KANSL1: variants seen among roughly 807,000 people sequenced by gnomAD.
KANSL1 encodes the protein MLL1/MLL complex subunit KANSL1.
A neutral mutation model predicts 103.6 loss-of-function variants in KANSL1; 22 were observed. That is an observed-to-expected ratio of 0.21 (90% CI 0.15 to 0.30). KANSL1 has a LOEUF of 0.30. Among genes scored for constraint, KANSL1 ranks in the 10% least tolerant of loss-of-function variants. KANSL1 has a pLI of 1.00. For synonymous variants in KANSL1, 600 were observed against 527.6 expected, an observed-to-expected ratio of 1.14 and a Z score of -1.88; for missense variants, 1,337 against 1,399.8, an observed-to-expected ratio of 0.96 and a Z score of 0.72.
intron 4 of KANSL1, 105 bp downstream of exon 4, chr17:46,082,336 C>G: frequency 1.5e-6 from 1 of 653,162 alleles, no homozygotes; most frequent in Middle Eastern, 2.6e-4. Flanking sequence ...ATACAGTTCC[C>G]CTTCTTCAGC....
chr17:46,090,183 G>C (rs915157994), intron 3 of KANSL1, among the ~76,000 whole-genome samples: 3 of 152,166 alleles, frequency 2.0e-5, no homozygotes, highest in Admixed American at 2.0e-4. Flanking sequence ...TACAGGCCAA[G>C]AACACCAAGG....
intron 2 of KANSL1, among the ~76,000 whole-genome samples, chr17:46,118,632 G>T (rs1262653649): frequency 6.6e-6 from 1 of 152,220 alleles, no homozygotes; most frequent in East Asian, 1.9e-4. Flanking sequence ...ATGGTCTAGA[G>T]ACCACATTTT....
intron 2 of KANSL1, among the ~76,000 whole-genome samples, chr17:46,124,865 A>G (rs62063166): frequency 0.14 from 21,635 of 151,620 alleles, 2,116 homozygotes; most frequent in Non-Finnish European, 0.22. Flanking sequence ...AACAGATGCA[A>G]AGTTAAGTTG....
At chr17:46,197,194 T>C (rs2696440), upstream of KANSL1, among the ~76,000 whole-genome samples, 21,942 of 152,206 alleles carry the variant, frequency 0.14, 2,137 homozygotes, top group Non-Finnish European at 0.22. Context: ...CAGCTCTGTA[T>C]CCATCCATCT....
chr17:46,210,524 A>T (rs1337937538), intron 1 of KANSL1, among the ~76,000 whole-genome samples: 7 of 133,638 alleles, frequency 5.2e-5, no homozygotes, highest in East Asian at 2.4e-4. Flanking sequence ...CCACAGGATG[A>T]GAACATTTAC....
chr17:46,139,224 T>C (rs2044299312), intron 2 of KANSL1, among the ~76,000 whole-genome samples: 1 of 152,064 alleles, frequency 6.6e-6, no homozygotes, highest in South Asian at 2.1e-4. Context: ...ACTCATAGTA[T>C]TGACATTATT....
At position 46,172,033 on chromosome 17, in the gene KANSL1, G is replaced by C. The variant is rs776718937; in HGVS notation, c.111C>G (p.Asn37Lys). Residue 37 changes from asparagine to lysine, a missense_variant, in exon 2 of 15, where the codon AAC (asparagine) becomes AAG (lysine). Asn to Lys is a moderately conservative substitution (Grantham distance 94). Coordinates refer to ENST00000432791, the MANE Select transcript of KANSL1 (RefSeq NM_015443.4). ...CAGCAATAAGGATGTTGGCGTTGCC[G>C]TTATTTTCGGCACTGCCAGGGGACA... ...STLSPGSAEN[N>K]GNANILIAAN... The C allele has an allele frequency of 6.2e-7, 1 of 1,614,250 alleles. No homozygotes were observed. The highest frequency in any genetic ancestry group is 8.5e-7 in the Non-Finnish European group (1 of 1,180,050).
chr17:46,211,855 G>A (rs557505939), intron 1 of KANSL1, among the ~76,000 whole-genome samples: 5 of 152,320 alleles, frequency 3.3e-5, no homozygotes, highest in Admixed American at 6.5e-5. Flanking sequence ...TCAAGTGCTC[G>A]GATAAATGTA....
At chr17:46,212,927 T>C (rs1249160317) in intron 1 of KANSL1, among the ~76,000 whole-genome samples, 2 of 152,262 alleles carry the variant, frequency 1.3e-5, no homozygotes, top group Non-Finnish European at 2.9e-5. Flanking sequence ...CTTATCAGGA[T>C]AAAAATGTTT....
intron 4 of KANSL1, among the ~76,000 whole-genome samples, chr17:46,069,883 T>C (rs562185429): frequency 6.6e-6 from 1 of 151,976 alleles, no homozygotes; most frequent in Non-Finnish European, 1.5e-5. Flanking sequence ...CTACAATGAG[T>C]GAACACCGAG....
At chr17:46,119,404 T>C (rs547732408) in intron 2 of KANSL1, among the ~76,000 whole-genome samples, 1 of 151,904 alleles carries the variant, frequency 6.6e-6, no homozygotes, top group Admixed American at 6.6e-5. Context: ...GCTTCCCAGG[T>C]TCAACTGATC....
intron 6 of KANSL1, among the ~76,000 whole-genome samples, chr17:46,065,135 G>T (rs1320905498): frequency 1.6e-5 from 2 of 124,954 alleles, no homozygotes; most frequent in South Asian, 2.4e-4. Flanking sequence ...CCCACAGCAG[G>T]CTTTTTTTTT....
chr17:46,177,450 C>G (rs944499144), intron 1 of KANSL1, among the ~76,000 whole-genome samples: 1 of 152,122 alleles, frequency 6.6e-6, no homozygotes, highest in Non-Finnish European at 1.5e-5. Context: ...AAAAAGAAAA[C>G]TGAATGCCAA....
At chr17:46,205,078 A>G (rs1343701568) in intron 1 of KANSL1, among the ~76,000 whole-genome samples, 4 of 152,198 alleles carry the variant, frequency 2.6e-5, no homozygotes, top group Admixed American at 2.6e-4. Context: ...CACTCTTACC[A>G]CTCTGTTTAA....
intron 2 of KANSL1, among the ~76,000 whole-genome samples, chr17:46,144,322 A>C (rs1460744254): frequency 7.9e-5 from 12 of 152,348 alleles, no homozygotes; most frequent in Middle Eastern, 3.4e-3. Context: ...TAGAAAAAGA[A>C]ATTCCAGATT....
chr17:46,107,002 TA>T (rs763066391), intron 2 of KANSL1, among the ~76,000 whole-genome samples: 1 of 152,076 alleles, frequency 6.6e-6, no homozygotes, highest in Admixed American at 6.6e-5. Context: ...GAAGGCAAAC[TA>T]GTTAAAGGCC....
intron 4 of KANSL1, among the ~76,000 whole-genome samples, chr17:46,071,987 TC>T (rs1179827109): frequency 1.5e-5 from 2 of 130,658 alleles, no homozygotes; most frequent in South Asian, 2.8e-4. Context: ...CCCCCACCCC[TC>T]CCCCCGCCCC....
At chr17:46,153,393 T>G (rs1413733209) in intron 2 of KANSL1, among the ~76,000 whole-genome samples, 3 of 152,272 alleles carry the variant, frequency 2.0e-5, no homozygotes, top group African/African-American at 7.2e-5. Context: ...TAACTTTATC[T>G]TTTATCAAAA....
At chr17:46,128,423 AG>A (rs1428877935) in intron 2 of KANSL1, among the ~76,000 whole-genome samples, 7 of 152,314 alleles carry the variant, frequency 4.6e-5, no homozygotes, top group African/African-American at 1.7e-4. Flanking sequence ...CACATTCCAG[AG>A]GTAAGAAGAG....
Sources: gnomAD v4.1 joint callset for allele counts (sites outside exome capture counted in the v4.1 genomes callset) on GRCh38, gnomAD v4.1.1 for gene constraint, MANE v1.5 for transcripts, NCBI Gene and HGNC (gene_info 2026-07-23, HGNC 2026-07-21) for gene names.